Variants in CSPP1 observed in about 807,000 individuals in gnomAD.
The protein encoded by CSPP1 is centrosome and spindle pole-associated protein 1.
CSPP1 carries 126 observed loss-of-function variants against 164.4 expected under a neutral mutation model. The ratio of observed to expected loss-of-function variants is 0.77; its 90% CI spans 0.66 to 0.89. The LOEUF is 0.89. Ranked by LOEUF, CSPP1 falls within the 40% of genes least tolerant of loss-of-function variation. The probability of loss-of-function intolerance (pLI) is 0.00; values close to 1 mark genes in which losing one functional copy is unlikely to be tolerated. For missense variants in CSPP1, 1,395 were observed against 1,449.8 expected (o/e 0.96, Z 0.61); for synonymous variants, 472 against 476.7 (o/e 0.99, Z 0.13).
At chr8:67,166,878 G>T (rs532381914) in intron 24 of CSPP1, among the ~76,000 whole-genome samples, 3 of 152,108 alleles carry the variant, frequency 2.0e-5, no homozygotes, top group African/African-American at 4.8e-5. Context: ...GCGGCCTTCC[G>T]CAGTGTTTGT....
chr8:67,169,557 A>G (rs903779829), intron 24 of CSPP1, among the ~76,000 whole-genome samples: 1 of 152,002 alleles, frequency 6.6e-6, no homozygotes, highest in African/African-American at 2.4e-5. Flanking sequence ...CTCCTGCCTC[A>G]GCCTCCTGAG....
At chr8:67,067,128 C>G (rs1264074115) in intron 1 of CSPP1, among the ~76,000 whole-genome samples, 2 of 152,222 alleles carry the variant, frequency 1.3e-5, no homozygotes, top group African/African-American at 4.8e-5. Flanking sequence ...TTTTCCATTT[C>G]TCATGCTCCC....
chr8:67,163,866 A>G, intron 23 of CSPP1, 68 bp downstream of exon 23: 1 of 1,257,864 alleles, frequency 7.9e-7, no homozygotes. Context: ...TGAAATAATT[A>G]TAAACTCATA....
intron 4 of CSPP1, among the ~76,000 whole-genome samples, chr8:67,089,040 G>A (rs1811070343): frequency 6.6e-6 from 1 of 152,102 alleles, no homozygotes; most frequent in Non-Finnish European, 1.5e-5. Flanking sequence ...TAGGGAGCTG[G>A]CTGCAGCTTC....
intron 4 of CSPP1, among the ~76,000 whole-genome samples, chr8:67,088,014 C>T (rs546556131): frequency 6.6e-6 from 1 of 152,248 alleles, no homozygotes; most frequent in Non-Finnish European, 1.5e-5. Flanking sequence ...GATAAAAATT[C>T]AAATTCCTTA....
intron 19 of CSPP1, among the ~76,000 whole-genome samples, chr8:67,156,854 T>C (rs1826761782): frequency 6.6e-6 from 1 of 152,232 alleles, no homozygotes; most frequent in South Asian, 2.1e-4. Context: ...ATAAAATATT[T>C]TTAAGAACTC....
intron 21 of CSPP1, among the ~76,000 whole-genome samples, chr8:67,159,953 CCTTCTTTCTTTTCT>C (rs1310823260): frequency 6.9e-5 from 2 of 29,118 alleles, no homozygotes; most frequent in Non-Finnish European, 1.3e-4. Flanking sequence ...TTCCTTCCTT[CCTTCTTTCTTTTCT>C]TTTCTTTTCT....
chr8:67,154,760 C>T (rs1015668408), intron 19 of CSPP1, among the ~76,000 whole-genome samples: 2 of 150,370 alleles, frequency 1.3e-5, no homozygotes, highest in Non-Finnish European at 3.0e-5. Context: ...TTTGGTCCCC[C>T]GAAGTGCTGG....
At chr8:67,169,948 A>G (rs1352940377) in intron 24 of CSPP1, among the ~76,000 whole-genome samples, 1 of 151,500 alleles carries the variant, frequency 6.6e-6, no homozygotes, top group Non-Finnish European at 1.5e-5. Context: ...TGGTTTTTCC[A>G]TATTGCCCAG....
intron 12 of CSPP1, 70 bp from the exon 13 acceptor site, chr8:67,115,844 C>T: frequency 1.7e-6 from 2 of 1,197,502 alleles, no homozygotes; most frequent in Non-Finnish European, 2.4e-6. Context: ...GATAGGAGGT[C>T]TTTTGAGGTC....
intron 28 of CSPP1, among the ~76,000 whole-genome samples, chr8:67,182,252 G>A (rs1344505329): frequency 1.3e-5 from 2 of 152,012 alleles, no homozygotes; most frequent in East Asian, 1.9e-4. Flanking sequence ...ATCCTCCTGC[G>A]GCCTCCCAAA....
intron 15 of CSPP1, chr8:67,123,078 G>A (rs925673381): frequency 2.0e-5 from 3 of 152,188 alleles, no homozygotes; most frequent in African/African-American, 7.2e-5. Context: ...TTTATTTTTT[G>A]TGGAAACAGG....
At chr8:67,092,694 C>CA (rs1259761921) in intron 5 of CSPP1, among the ~76,000 whole-genome samples, 2 of 152,208 alleles carry the variant, frequency 1.3e-5, no homozygotes, top group African/African-American at 2.4e-5. Flanking sequence ...CCACCCGCCT[C>CA]AGCCTCCCAA....
At chr8:67,170,290 CAA>C (rs113067786) in intron 24 of CSPP1, among the ~76,000 whole-genome samples, 175 of 102,478 alleles carry the variant, frequency 1.7e-3, no homozygotes, top group Middle Eastern at 0.012. Context: ...ACTAAAAATA[CAA>C]AAAAAAAAAA....
intron 4 of CSPP1, among the ~76,000 whole-genome samples, chr8:67,089,719 T>A (rs1011514441): frequency 3.3e-5 from 5 of 152,200 alleles, no homozygotes; most frequent in Non-Finnish European, 5.9e-5. Context: ...TCAGTATTTA[T>A]TGAATGAATG....
intron 6 of CSPP1, among the ~76,000 whole-genome samples, chr8:67,095,021 T>A (rs1812454163): frequency 6.6e-6 from 1 of 152,210 alleles, no homozygotes; most frequent in African/African-American, 2.4e-5. Flanking sequence ...TTCATTCCGT[T>A]TTGTTGCATA....
At chr8:67,105,760 T>C (rs1186631372) in intron 8 of CSPP1, 145 bp from the exon 9 acceptor site, 2 of 600,610 alleles carry the variant, frequency 3.3e-6, no homozygotes. Flanking sequence ...TGATTTTACC[T>C]TAACCTTAAA....
At chr8:67,182,273 G>A (rs1833243019) in intron 28 of CSPP1, among the ~76,000 whole-genome samples, 1 of 152,012 alleles carries the variant, frequency 6.6e-6, no homozygotes, top group Admixed American at 6.6e-5. Context: ...GTGCCAAAGT[G>A]CTGAGATTAC....
At chr8:67,181,795 T>C (rs953503077) in intron 28 of CSPP1, among the ~76,000 whole-genome samples, 5 of 152,146 alleles carry the variant, frequency 3.3e-5, no homozygotes, top group Non-Finnish European at 7.4e-5. Flanking sequence ...ATCTTGAAAA[T>C]AGAAACTCTT....
Sources: gnomAD v4.1 joint callset for allele counts (sites outside exome capture counted in the v4.1 genomes callset) on GRCh38, gnomAD v4.1.1 for gene constraint, MANE v1.5 for transcripts, NCBI Gene and HGNC (gene_info 2026-07-23, HGNC 2026-07-21) for gene names.